Variants in CCDC157 observed in about 807,000 individuals in gnomAD.
CCDC157 encodes coiled-coil domain-containing protein 157.
Under a neutral mutation model 70.9 loss-of-function variants are expected in CCDC157, and 60 were observed. The ratio of observed to expected loss-of-function variants is 0.85; its 90% CI spans 0.69 to 1.05. The LOEUF (loss-of-function observed/expected upper bound fraction) is 1.05, where lower values mean the gene tolerates loss of function less well. Ranked by LOEUF, CCDC157 falls within the 50% of genes least tolerant of loss-of-function variation. The pLI is 0.00. For synonymous variants in CCDC157, 373 were observed against 422.4 expected (o/e 0.88, Z 1.43); for missense variants, 943 against 984.2 (o/e 0.96, Z 0.56).
chr22:30,364,460 C>A (rs570236553), intron 2 of CCDC157, among the ~76,000 whole-genome samples: 1 of 152,032 alleles, frequency 6.6e-6, no homozygotes, highest in Admixed American at 6.5e-5. Context: ...AACTATGTAC[C>A]CTGAAACTAT....
intron 6 of CCDC157, 137 bp from the exon 7 acceptor site, chr22:30,371,938 C>T: frequency 1.3e-6 from 1 of 758,578 alleles, no homozygotes; most frequent in Non-Finnish European, 2.1e-6. Flanking sequence ...CCAAACCCAC[C>T]TCAGGTGGGG....
At chr22:30,371,463 G>A in intron 5 of CCDC157, 187 bp from the exon 6 acceptor site, 1 of 601,932 alleles carries the variant, frequency 1.7e-6, no homozygotes, top group Non-Finnish European at 3.0e-6. Flanking sequence ...ATGGCAGCCA[G>A]CCCATGAGAA....
At position 30,369,571 on chromosome 22, in the gene CCDC157, C is replaced by A; in HGVS notation, c.388C>A (p.Leu130Met). The change falls in exon 4 of 12, where the codon CTG becomes ATG. Residue 130 changes from leucine (L) to methionine (M), a missense_variant. Physicochemically the swap from Leu to Met is conservative, Grantham distance 15 (BLOSUM62 2). Coordinates refer to ENST00000338306, the MANE Select transcript of CCDC157 (RefSeq NM_001017437.5). ...GCGCTTCTGGGACAGCCTGCTGAGG[C>A]TGGGCACGCTCCACCAGCAGCCACT... ...VRRFWDSLLRLGTLHQQPLPQ... is the reference protein window; with the variant it reads ...VRRFWDSLLRMGTLHQQPLPQ... 1 of 1,589,326 alleles carries A rather than the reference C, an allele frequency of 6.3e-7. No homozygotes were observed. Among genetic ancestry groups the A allele is most frequent in the Non-Finnish European group, 8.6e-7 (1 of 1,169,382 alleles).
chr22:30,356,900 C>CT, upstream of CCDC157: 1 of 1,019,600 alleles, frequency 9.8e-7, no homozygotes, highest in Non-Finnish European at 1.3e-6. Flanking sequence ...ATGGCGGCGG[C>CT]CGAGCGAGTT....
At chr22:30,368,033 G>C (rs1479450602) in intron 3 of CCDC157, among the ~76,000 whole-genome samples, 1 of 152,194 alleles carries the variant, frequency 6.6e-6, no homozygotes, top group Non-Finnish European at 1.5e-5. Context: ...CCTGGCGACA[G>C]AGTGAGACTG....
intron 10 of CCDC157, chr22:30,375,967 C>A: frequency 1.9e-6 from 1 of 532,504 alleles, no homozygotes; most frequent in East Asian, 3.2e-5. Flanking sequence ...GCGGGCAGAT[C>A]ACTCGAGCCC....
chr22:30,367,544 G>A (rs574296339), intron 3 of CCDC157, among the ~76,000 whole-genome samples: 15 of 151,910 alleles, frequency 9.9e-5, no homozygotes, highest in Middle Eastern at 6.8e-3. Flanking sequence ...TGGCTGGTGC[G>A]TGCCTATTGT....
At chr22:30,364,974 A>G (rs1932623142) in intron 2 of CCDC157, among the ~76,000 whole-genome samples, 2 of 152,144 alleles carry the variant, frequency 1.3e-5, no homozygotes, top group African/African-American at 4.8e-5. Flanking sequence ...TCTCCATTCA[A>G]TCACTGAGTC....
chr22:30,374,636 T>C (rs1331668350), intron 9 of CCDC157: 1 of 456,808 alleles, frequency 2.2e-6, no homozygotes, highest in African/African-American at 2.0e-5. Context: ...GGCAGGAAGA[T>C]GTGCAGTTAG....
In CCDC157 at chr22:30,373,647, C is replaced by T. The variant is rs985800180; in HGVS notation, c.1386C>T (p.Asp462=). The part of the protein sequence containing the change: ...RALLKQLDSL[D]QEREELRGSL... ...TGCTAAAGCAGCTGGACAGCCTGGA[C>T]CAGGAACGTGAGGAGCTGCGGGGCA... The change falls in exon 8 of 12, where the codon GAC becomes GAT. Residue 462 remains aspartate (D), a synonymous_variant. Coordinates refer to ENST00000338306, the MANE Select transcript of CCDC157 (RefSeq NM_001017437.5). The T allele has an allele frequency of 3.2e-6, 5 of 1,558,798 alleles. No individual in the cohort carries two copies. The Admixed American group carries it at 7.7e-5, about 24-fold the overall frequency.
At chr22:30,356,716 CG>C (rs1931877404), upstream of CCDC157, 6 of 1,479,896 alleles carry the variant, frequency 4.1e-6, no homozygotes, top group South Asian at 2.7e-5. Context: ...GGCTGAGGGG[CG>C]GGGGAGAGGT....
At chr22:30,362,314 T>C (rs1159320340) in intron 2 of CCDC157, among the ~76,000 whole-genome samples, 200 bp downstream of exon 2, 2 of 152,074 alleles carry the variant, frequency 1.3e-5, no homozygotes, top group Non-Finnish European at 2.9e-5. Context: ...CTGGCGGTGG[T>C]GTATGCTGGG....
At chr22:30,372,598 A>C (rs1933024539) in intron 7 of CCDC157, 1 of 282,160 alleles carries the variant, frequency 3.5e-6, no homozygotes, top group African/African-American at 2.2e-5. Context: ...CACATCTGCC[A>C]TGGGAATCCA....
chr22:30,377,879 T>G lies in CCDC157; in HGVS notation c.*1134T>G. 1 of 346,510 alleles carries G rather than the reference T, an allele frequency of 2.9e-6. No homozygotes were observed. Among genetic ancestry groups the G allele is most frequent in the Non-Finnish European group, 5.7e-6 (1 of 174,226 alleles). 21.5% of individuals were successfully genotyped at this position (346,510 alleles called of 1,614,324 possible). ...TGCCATGTATTCATTAGCTCCCAGT[T>G]CTGGCAGTCAGAAGTCCAGGTTCTG... On this transcript the variant is annotated 3_prime_UTR_variant, in exon 12 of 12. Transcript: ENST00000338306.
intron 6 of CCDC157, 58 bp downstream of exon 6, chr22:30,371,785 T>C: frequency 7.0e-7 from 1 of 1,424,662 alleles, no homozygotes; most frequent in Non-Finnish European, 9.9e-7. Flanking sequence ...TGTGGCTGGA[T>C]GAGCATCGTC....
chr22:30,376,141 G>A (rs1933338855), intron 10 of CCDC157, 118 bp from the exon 11 acceptor site: 4 of 859,760 alleles, frequency 4.7e-6, no homozygotes, highest in Non-Finnish European at 7.3e-6. Context: ...TAGGTGAAAG[G>A]GCCCATGGAT....
rs759356014 is a variant in CCDC157 at position 30,375,593 on chromosome 22, A to C, written c.1787A>C (p.Gln596Pro). Residue 596 changes from glutamine (Q) to proline (P), a missense_variant, in exon 10 of 12, where the codon CAG becomes CCG. Coordinates refer to ENST00000338306, the MANE Select transcript of CCDC157 (RefSeq NM_001017437.5). ...QSNDIRIRVL[Q>P]EENGRLQSML... is the part of the protein sequence containing the mutation. The stretch of plus-strand genomic sequence containing the variant: ...AACGACATCCGCATCCGGGTCCTAC[A>C]GGAGGAGAACGGGCGGCTCCAATCA... 2.2e-5 allele frequency: 36 copies of C among 1,614,040 alleles called. No individual in the cohort carries two copies. Among genetic ancestry groups the C allele is most frequent in the Non-Finnish European group, 3.1e-5 (36 of 1,180,034 alleles).
chr22:30,371,810 G>T, intron 6 of CCDC157, 83 bp downstream of exon 6: 1 of 1,258,304 alleles, frequency 7.9e-7, no homozygotes, highest in South Asian at 1.2e-5. Flanking sequence ...TCTGTCCCCT[G>T]AGCATCCAGG....
chr22:30,371,121 G>A (rs759939768), intron 5 of CCDC157, 171 bp downstream of exon 5: 138 of 785,856 alleles, frequency 1.8e-4, no homozygotes, highest in Non-Finnish European at 2.1e-4. Context: ...GTGTTCATCC[G>A]GTGGTGACAC....
Sources: gnomAD v4.1 joint callset for allele counts (sites outside exome capture counted in the v4.1 genomes callset) on GRCh38, gnomAD v4.1.1 for gene constraint, MANE v1.5 for transcripts, NCBI Gene and HGNC (gene_info 2026-07-23, HGNC 2026-07-21) for gene names.